The following TRMO variants were observed in gnomAD, a reference collection of about 807,000 sequenced individuals.
TRMO encodes tRNA methyltransferase O, also known as tRNA (adenine(37)-N6)-methyltransferase.
In TRMO, 30 loss-of-function variants were observed where a neutral mutation model predicts 37.2. That is an observed-to-expected ratio of 0.81 (90% CI 0.60 to 1.09). TRMO has a LOEUF of 1.09. Among genes scored for constraint, TRMO ranks in the 50% least tolerant of loss-of-function variants. TRMO has a pLI of 0.00. For synonymous variants in TRMO, 239 were observed against 199.4 expected (o/e 1.20, Z -1.67); for missense variants, 552 against 549.5 (o/e 1.00, Z -0.05).
intron 1 of TRMO, among the ~76,000 whole-genome samples, chr9:97,920,678 TG>T (rs1826585034): frequency 6.6e-6 from 1 of 152,238 alleles, no homozygotes; most frequent in Admixed American, 6.5e-5. Context: ...GGGTTTTTTG[TG>T]TACAGGATTG....
At chr9:97,919,307 C>G (rs1344064162) in intron 1 of TRMO, among the ~76,000 whole-genome samples, 1 of 151,106 alleles carries the variant, frequency 6.6e-6, no homozygotes, top group East Asian at 1.9e-4. Flanking sequence ...GAAACATTTT[C>G]TGGCTGATAC....
At chr9:97,914,762 A>G (rs1368348238) in intron 2 of TRMO, among the ~76,000 whole-genome samples, 1 of 152,188 alleles carries the variant, frequency 6.6e-6, no homozygotes, top group Non-Finnish European at 1.5e-5. Flanking sequence ...ACTTTTTTAA[A>G]AAAAGCAAAT....
chr9:97,899,634 C>T (rs915678006), downstream of TRMO, among the ~76,000 whole-genome samples: 3 of 151,980 alleles, frequency 2.0e-5, no homozygotes, highest in Non-Finnish European at 2.9e-5. Context: ...GCCTGTAATC[C>T]CAGCACTTTA....
chr9:97,909,545 A>G (rs968711789), intron 4 of TRMO, among the ~76,000 whole-genome samples: 11 of 152,180 alleles, frequency 7.2e-5, no homozygotes, highest in African/African-American at 2.4e-4. Context: ...GCTATCGACT[A>G]CCTGACAGTC....
At chr9:97,907,112 C>T (rs1825888209) in intron 4 of TRMO, among the ~76,000 whole-genome samples, 1 of 152,120 alleles carries the variant, frequency 6.6e-6, no homozygotes, top group Non-Finnish European at 1.5e-5. Context: ...AAAGTAAAGC[C>T]TTAGGAGCCA....
chr9:97,919,152 T>C (rs569482286), intron 1 of TRMO, among the ~76,000 whole-genome samples: 82 of 152,300 alleles, frequency 5.4e-4, no homozygotes, highest in African/African-American at 1.9e-3. Flanking sequence ...CATGCTTCTA[T>C]GGAACAGATA....
chr9:97,909,178 C>T (rs563980584), intron 4 of TRMO, among the ~76,000 whole-genome samples: 6 of 152,276 alleles, frequency 3.9e-5, no homozygotes, highest in Non-Finnish European at 5.9e-5. Flanking sequence ...TCTTGAACTC[C>T]GGACCTCAAG....
At chr9:97,906,035 A>G (rs1825838775) in intron 4 of TRMO, among the ~76,000 whole-genome samples, 1 of 151,996 alleles carries the variant, frequency 6.6e-6, no homozygotes. Context: ...ATGGTGGCGC[A>G]CGCCTGTAAT....
downstream of TRMO, among the ~76,000 whole-genome samples, chr9:97,903,461 G>A (rs1021081801): frequency 6.6e-6 from 1 of 152,082 alleles, no homozygotes. Context: ...AGCTCATTTC[G>A]ATCAGCTATT....
chr9:97,922,280 G>A (rs996487406), intron 1 of TRMO, 138 bp downstream of exon 1: 6 of 646,202 alleles, frequency 9.3e-6, no homozygotes, highest in East Asian at 2.8e-5. Context: ...CGCAGCACGT[G>A]ACCCGTGCCT....
chr9:97,905,154 T>G (rs1007832895), intron 4 of TRMO, among the ~76,000 whole-genome samples, 162 bp from the exon 5 acceptor site: 5 of 152,072 alleles, frequency 3.3e-5, no homozygotes, highest in Admixed American at 3.3e-4. Flanking sequence ...CGTCAAGAGG[T>G]GTTTATTATC....
chr9:97,907,051 C>A (rs1043287989), intron 4 of TRMO, among the ~76,000 whole-genome samples: 1 of 152,134 alleles, frequency 6.6e-6, no homozygotes, highest in Non-Finnish European at 1.5e-5. Context: ...TTTCTATCAA[C>A]AAAACTTTTA....
chr9:97,904,576 T>C lies in TRMO; in HGVS notation c.*157A>G. ...TATCTCTTTGTTAAGTTTATTAATG[T>C]ATACGTTTTTCAAATAAACATTTTG... On this transcript the variant is annotated 3_prime_UTR_variant, in exon 5 of 5. Coordinates refer to ENST00000375119, the MANE Select transcript of TRMO (RefSeq NM_016481.5). 6.8e-7 allele frequency: 1 copy of C among 1,479,436 alleles called. No homozygotes were observed. Among genetic ancestry groups the C allele is most frequent in the Non-Finnish European group, 8.9e-7 (1 of 1,120,804 alleles). 91.6% of individuals were successfully genotyped at this position (1,479,436 alleles called of 1,614,324 possible). A position where few individuals can be genotyped will look rare whatever the true frequency, so the allele number is the denominator to read the frequency against.
intron 2 of TRMO, among the ~76,000 whole-genome samples, chr9:97,914,831 G>C (rs1485338968): frequency 4.3e-5 from 6 of 140,212 alleles, no homozygotes; most frequent in Non-Finnish European, 6.4e-5. Context: ...AAAATTAAAA[G>C]GTCTGGCAGG....
At chr9:97,919,136 C>G (rs914276952) in intron 1 of TRMO, among the ~76,000 whole-genome samples, 2 of 151,362 alleles carry the variant, frequency 1.3e-5, no homozygotes, top group Non-Finnish European at 2.9e-5. Context: ...CTTTTTAATC[C>G]TCATCCATGC....
At chr9:97,901,114 T>C (rs1421928305), downstream of TRMO, among the ~76,000 whole-genome samples, 1 of 152,230 alleles carries the variant, frequency 6.6e-6, no homozygotes, top group Non-Finnish European at 1.5e-5. Flanking sequence ...CAAAATTACC[T>C]AAACAGCTTG....
chr9:97,912,747 C>T, intron 3 of TRMO: 1 of 372,622 alleles, frequency 2.7e-6, no homozygotes, highest in Non-Finnish European at 5.4e-6. Context: ...TCCTAGTTTA[C>T]CTGCCATTTC....
downstream of TRMO, among the ~76,000 whole-genome samples, chr9:97,899,993 G>T (rs1002639844): frequency 2.6e-5 from 4 of 152,226 alleles, no homozygotes; most frequent in African/African-American, 9.6e-5. Flanking sequence ...GGAGGTCAAG[G>T]CTGCAGTGAG....
In TRMO at chr9:97,922,401, C is replaced by T; in HGVS notation, c.76+17G>A. 4 of 1,533,138 alleles carry T rather than the reference C, an allele frequency of 2.6e-6. No homozygotes were observed. The highest frequency in any genetic ancestry group is 3.6e-6 in the Non-Finnish European group (4 of 1,124,074). The allele number at this position is 1,533,138 out of a possible 1,614,324, so 95.0% of individuals were successfully genotyped here. A position where few individuals can be genotyped will look rare whatever the true frequency, so the allele number is the denominator to read the frequency against. ...TAAACCTCTCCAGAGTGTGGCACCG[C>T]CGGTGTTGGAAGTTACCTGTCTCCA... On this transcript the variant is annotated intron_variant, in intron 1 of 4. Transcript: ENST00000375119.
Sources: gnomAD v4.1 joint callset for allele counts (sites outside exome capture counted in the v4.1 genomes callset) on GRCh38, gnomAD v4.1.1 for gene constraint, MANE v1.5 for transcripts, NCBI Gene and HGNC (gene_info 2026-07-23, HGNC 2026-07-21) for gene names.